VWA3B: variants seen among roughly 807,000 people sequenced by gnomAD.
The protein encoded by VWA3B is von Willebrand factor A domain containing 3B.
Under a neutral mutation model 158.3 loss-of-function variants are expected in VWA3B, and 138 were observed. The ratio of observed to expected loss-of-function variants is 0.87; its 90% CI spans 0.76 to 1.00. The LOEUF (loss-of-function observed/expected upper bound fraction) is 1.00. Ranked by LOEUF, VWA3B falls within the 50% of genes least tolerant of loss-of-function variation. VWA3B has a pLI of 0.00. For missense variants in VWA3B, 1,555 were observed against 1,565.1 expected, an observed-to-expected ratio of 0.99 and a Z score of 0.11; for synonymous variants, 596 against 587.3, an observed-to-expected ratio of 1.01 and a Z score of -0.21.
Position 98,128,415 on chromosome 2 carries a change from A to G in VWA3B, c.872+7A>G, listed in dbSNP as rs751578008. On this transcript the variant is annotated splice_region_variant and intron_variant, in intron 6 of 27. Coordinates refer to ENST00000477737, the MANE Select transcript of VWA3B (RefSeq NM_144992.5). ...GTGCCAAGACCCACAGCAGGTAGGC[A>G]GAAAATGTGCTCTTGAGTGACAGCA... 1 of 1,611,572 alleles carries G rather than the reference A, an allele frequency of 6.2e-7. No individual in the cohort carries two copies. Among genetic ancestry groups the G allele is most frequent in the Admixed American group, 1.7e-5 (1 of 59,974 alleles).
At chr2:98,159,164 C>T (rs1226673859) in intron 7 of VWA3B, among the ~76,000 whole-genome samples, 2 of 152,148 alleles carry the variant, frequency 1.3e-5, no homozygotes, top group African/African-American at 4.8e-5. Flanking sequence ...ATACTAGGTG[C>T]TAATGAAAAA....
chr2:98,239,775 G>A (rs1176279859), intron 19 of VWA3B, among the ~76,000 whole-genome samples: 1 of 151,434 alleles, frequency 6.6e-6, no homozygotes, highest in Non-Finnish European at 1.5e-5. Context: ...TTAGCCAGGT[G>A]TGGTGGCGTG....
chr2:98,199,687 C>A (rs1247741730), intron 12 of VWA3B, among the ~76,000 whole-genome samples: 1 of 152,222 alleles, frequency 6.6e-6, no homozygotes, highest in Non-Finnish European at 1.5e-5. Flanking sequence ...AGCATGCCTA[C>A]TCTTTGCTTT....
chr2:98,119,705 G>A lies in VWA3B; in HGVS notation c.484G>A (p.Ala162Thr). The change falls in exon 4 of 28, where the codon GCT (alanine) becomes ACT (threonine). Residue 162 changes from alanine (A) to threonine (T), a missense_variant. Physicochemically the swap from Ala to Thr is moderately conservative, Grantham distance 58. Coordinates refer to ENST00000477737, the MANE Select transcript of VWA3B (RefSeq NM_144992.5). ...LEGELDLCRE[A>T]LTMVLQEQVA... ...GGGGGAGCTTGATCTGTGCCGAGAG[G>A]CTCTAACAATGGTTCTCCAGGAGCA... The A allele has an allele frequency of 6.2e-7, 1 of 1,614,122 alleles. No homozygotes were observed. Among genetic ancestry groups the A allele is most frequent in the South Asian group, 1.1e-5 (1 of 91,080 alleles).
At chr2:98,092,229 A>G (rs1682352914) in intron 1 of VWA3B, among the ~76,000 whole-genome samples, 1 of 152,316 alleles carries the variant, frequency 6.6e-6, no homozygotes, top group South Asian at 2.1e-4. Context: ...TATCCTTCTC[A>G]TCCTCATTGG....
At chr2:98,264,994 AG>A (rs1687709751) in intron 21 of VWA3B, among the ~76,000 whole-genome samples, 1 of 151,908 alleles carries the variant, frequency 6.6e-6, no homozygotes, top group South Asian at 2.1e-4. Flanking sequence ...TTTTTTATTA[AG>A]TCATAAGTTG....
At chr2:98,092,816 G>GTATTTA (rs1553633938) in intron 1 of VWA3B, among the ~76,000 whole-genome samples, 1 of 51,478 alleles carries the variant, frequency 1.9e-5, no homozygotes, top group Admixed American at 3.0e-4. Flanking sequence ...AGATGTTTTT[G>GTATTTA]TATATATATA....
intron 26 of VWA3B, among the ~76,000 whole-genome samples, chr2:98,306,893 C>T (rs544487579): frequency 1.3e-5 from 2 of 152,258 alleles, no homozygotes; most frequent in African/African-American, 4.8e-5. Context: ...TCTGTGGGAG[C>T]AAGAGACTGA....
intron 26 of VWA3B, 48 bp downstream of exon 26, chr2:98,303,850 C>A (rs1574317820): frequency 1.3e-6 from 2 of 1,561,812 alleles, no homozygotes; most frequent in Non-Finnish European, 1.8e-6. Flanking sequence ...TATATCCTTG[C>A]ACCTTTAATC....
At chr2:98,173,155 TC>T (rs2105307935) in intron 8 of VWA3B, among the ~76,000 whole-genome samples, 1 of 152,348 alleles carries the variant, frequency 6.6e-6, no homozygotes, top group East Asian at 1.9e-4. Flanking sequence ...AAGAGTGTCT[TC>T]CCTTTTTGCT....
At chr2:98,131,080 C>T (rs1198391036) in intron 6 of VWA3B, among the ~76,000 whole-genome samples, 1 of 152,178 alleles carries the variant, frequency 6.6e-6, no homozygotes, top group Non-Finnish European at 1.5e-5. Flanking sequence ...CGTTTGTACC[C>T]ATTAACCAAC....
chr2:98,102,176 G>A (rs1161672942), intron 2 of VWA3B, among the ~76,000 whole-genome samples: 8 of 152,176 alleles, frequency 5.3e-5, no homozygotes, highest in Non-Finnish European at 1.0e-4. Context: ...GTTTCAGAGA[G>A]CACGGGGTTG....
intron 2 of VWA3B, among the ~76,000 whole-genome samples, chr2:98,107,509 C>T (rs955342613): frequency 2.0e-5 from 3 of 152,044 alleles, no homozygotes; most frequent in African/African-American, 7.2e-5. Context: ...TCATCCAGGC[C>T]TGGAGATTCC....
chr2:98,321,723 T>A, the VWA3B span, among the ~76,000 whole-genome samples: 1 of 152,234 alleles, frequency 6.6e-6, no homozygotes, highest in African/African-American at 2.4e-5. Context: ...GATGAGACTT[T>A]GGACTGTGGA....
intron 12 of VWA3B, among the ~76,000 whole-genome samples, chr2:98,204,084 G>A (rs928380291): frequency 3.3e-5 from 5 of 152,202 alleles, no homozygotes; most frequent in Admixed American, 6.5e-5. Flanking sequence ...CGATACTTGA[G>A]CATCCTCAGA....
At chr2:98,318,253 A>G (rs1691129852), downstream of VWA3B, among the ~76,000 whole-genome samples, 1 of 152,224 alleles carries the variant, frequency 6.6e-6, no homozygotes, top group African/African-American at 2.4e-5. Flanking sequence ...ATTTTTTATT[A>G]TAAATACACA....
the VWA3B span, among the ~76,000 whole-genome samples, chr2:98,319,895 C>G: frequency 6.7e-6 from 1 of 149,396 alleles, no homozygotes; most frequent in Non-Finnish European, 1.5e-5. Flanking sequence ...CACACACACA[C>G]ACACACACAC....
chr2:98,130,624 A>T (rs1473087873), intron 6 of VWA3B, among the ~76,000 whole-genome samples: 4 of 152,236 alleles, frequency 2.6e-5, no homozygotes, highest in African/African-American at 4.8e-5. Flanking sequence ...CATCTGTTTA[A>T]CAAAGCATAT....
chr2:98,107,534 T>C (rs1673768976), intron 2 of VWA3B, among the ~76,000 whole-genome samples: 1 of 152,148 alleles, frequency 6.6e-6, no homozygotes, highest in African/African-American at 2.4e-5. Context: ...TGAAGAAGTT[T>C]TAAGTCAAGA....
Sources: gnomAD v4.1 joint callset for allele counts (sites outside exome capture counted in the v4.1 genomes callset) on GRCh38, gnomAD v4.1.1 for gene constraint, MANE v1.5 for transcripts, NCBI Gene and HGNC (gene_info 2026-07-23, HGNC 2026-07-21) for gene names.